Variants in LINGO2 observed in about 807,000 individuals in gnomAD.
LINGO2 encodes leucine rich repeat and Ig domain containing 2, also known as leucine-rich repeat and immunoglobulin-like domain-containing nogo receptor-interacting protein 2.
A neutral mutation model predicts 30.6 loss-of-function variants in LINGO2; 14 were observed. The ratio of observed to expected loss-of-function variants is 0.46; its 90% CI spans 0.30 to 0.72. LINGO2 has a LOEUF of 0.72. Among genes scored for constraint, LINGO2 ranks in the 30% least tolerant of loss-of-function variants. LINGO2 has a pLI of 0.07. For missense variants in LINGO2, 729 were observed against 751.7 expected (o/e 0.97, Z 0.35); for synonymous variants, 317 against 288.5 (o/e 1.10, Z -1.00).
rs569450163 is a variant in LINGO2, at chr9:28,376,102, T to G, written c.-278-3234A>C. Among the ~76,000 whole-genome samples, 48 of 149,442 alleles carry G rather than the reference T, an allele frequency of 3.2e-4. 2 individuals carry two copies. The South Asian group carries it at 0.01, about 31-fold the overall frequency. On this transcript the variant is annotated intron_variant, in intron 2 of 5. Transcript: ENST00000379992. ...ACTTTCCTTGCTTTTTTTTTTTTTT[T>G]GTAATAAACGGACAAGTGCAGCAGC...
chr9:28,018,597 A>T (rs1013950618), intron 4 of LINGO2, among the ~76,000 whole-genome samples: 1 of 152,210 alleles, frequency 6.6e-6, no homozygotes, highest in African/African-American at 2.4e-5. Context: ...AAAAATCCTC[A>T]GCATCGCTAA....
the LINGO2 span, among the ~76,000 whole-genome samples, chr9:28,931,270 G>T: frequency 1.3e-5 from 2 of 152,172 alleles, no homozygotes; most frequent in African/African-American, 4.8e-5. Context: ...TATCGGAGTT[G>T]GAGACACTAA....
intron 5 of LINGO2, among the ~76,000 whole-genome samples, chr9:27,958,919 T>C (rs7867010): frequency 0.017 from 2,583 of 152,294 alleles, 74 homozygotes; most frequent in African/African-American, 0.059. Context: ...AAACAGACCC[T>C]AGAATTTCTG....
intron 4 of LINGO2, among the ~76,000 whole-genome samples, chr9:28,065,154 G>T: frequency 6.6e-6 from 1 of 151,652 alleles, no homozygotes. Context: ...GAGTGGGATT[G>T]GGAGAGATCA....
At chr9:27,984,560 T>C (rs1438924732) in intron 5 of LINGO2, among the ~76,000 whole-genome samples, 2 of 151,870 alleles carry the variant, frequency 1.3e-5, no homozygotes. Context: ...TCTGAGGGAA[T>C]ATAGAAAGAG....
the LINGO2 span, among the ~76,000 whole-genome samples, chr9:29,127,209 C>G: frequency 6.6e-6 from 1 of 152,126 alleles, no homozygotes; most frequent in Non-Finnish European, 1.5e-5. Context: ...TGTTCCCACT[C>G]TGTGGCATGT....
the LINGO2 span, among the ~76,000 whole-genome samples, chr9:28,848,125 A>G: frequency 4.8e-4 from 45 of 94,146 alleles, no homozygotes; most frequent in African/African-American, 1.6e-3. Context: ...CTATATATAC[A>G]CTATATATAG....
chr9:28,364,539 A>G (rs1820584781), intron 3 of LINGO2, among the ~76,000 whole-genome samples: 1 of 152,124 alleles, frequency 6.6e-6, no homozygotes, highest in Non-Finnish European at 1.5e-5. Context: ...TAGCTCTCTA[A>G]TCTTCCTTTT....
intron 4 of LINGO2, among the ~76,000 whole-genome samples, chr9:28,039,013 G>A (rs1224884637): frequency 1.3e-5 from 2 of 152,162 alleles, no homozygotes; most frequent in African/African-American, 2.4e-5. Flanking sequence ...AATCTTAAAG[G>A]AGTTTGGCAA....
In LINGO2 at chr9:28,029,997, AT is replaced by A. The variant is rs796690786; in HGVS notation, c.-86-17593del. On this transcript the variant is annotated intron_variant, in intron 4 of 5. Transcript: ENST00000379992. Reference sequence around the variant, plus strand: ...AGAAAATGAATCTAGAATCCCAGAAATCAGAGAAGGTGATGTAAGGCCACCA... The same window carrying A: ...AGAAAATGAATCTAGAATCCCAGAAACAGAGAAGGTGATGTAAGGCCACCA... Among the ~76,000 whole-genome samples the A allele has an allele frequency of 2.6e-5, 4 of 152,300 alleles. No individual in the cohort carries two copies. In the South Asian group the frequency reaches 8.3e-4, roughly 32 times the overall value.
chr9:28,652,482 T>A (rs1828147019), intron 1 of LINGO2, among the ~76,000 whole-genome samples: 1 of 152,110 alleles, frequency 6.6e-6, no homozygotes, highest in Non-Finnish European at 1.5e-5. Context: ...AATGCACCAC[T>A]ACAGAGATAG....
At chr9:28,279,807 A>C (rs1331555619) in intron 4 of LINGO2, among the ~76,000 whole-genome samples, 1 of 152,122 alleles carries the variant, frequency 6.6e-6, no homozygotes, top group Non-Finnish European at 1.5e-5. Context: ...CCACCCACCC[A>C]CAAAGAGCCT....
the LINGO2 span, among the ~76,000 whole-genome samples, chr9:29,006,249 A>C: frequency 1.2e-3 from 186 of 152,044 alleles, no homozygotes; most frequent in African/African-American, 4.1e-3. Context: ...ACAAACGGGG[A>C]ATTATTTGAC....
the LINGO2 span, among the ~76,000 whole-genome samples, chr9:29,113,420 T>G: frequency 6.6e-6 from 1 of 152,104 alleles, no homozygotes; most frequent in South Asian, 2.1e-4. Flanking sequence ...GAACAGACAG[T>G]GTTGAAGATG....
intron 4 of LINGO2, among the ~76,000 whole-genome samples, chr9:28,188,567 T>C (rs1333427583): frequency 6.6e-6 from 1 of 152,092 alleles, no homozygotes; most frequent in Non-Finnish European, 1.5e-5. Context: ...TGTTATCTTC[T>C]CTATCACCAA....
At chr9:27,940,172 T>C in the LINGO2 span, 1 of 152,150 alleles carries the variant, frequency 6.6e-6, no homozygotes, top group Admixed American at 6.6e-5. Context: ...CCCAGATGGT[T>C]CTTAGTAATA....
At chr9:29,093,892 G>A in the LINGO2 span, among the ~76,000 whole-genome samples, 1 of 138,406 alleles carries the variant, frequency 7.2e-6, no homozygotes, top group African/African-American at 2.7e-5. Context: ...ATTTCAGTAT[G>A]TTAAAATATA....
At position 28,322,438 on chromosome 9, in the gene LINGO2, TACAC is replaced by T. The variant is rs61397051; in HGVS notation, c.-245-27076_-245-27073del. Among the ~76,000 whole-genome samples the T allele has an allele frequency of 7.0e-3, 1,052 of 150,552 alleles. 10 individuals carry two copies. The highest frequency in any genetic ancestry group is 0.014 in the Middle Eastern group (4 of 294). ...GTTCCTAGACATAGTAGGCACTCAG[TACAC>T]ACACACACACACACACACACACACA... On this transcript the variant is annotated intron_variant, in intron 3 of 5. Transcript: ENST00000379992.
chr9:28,223,421 G>T (rs957336433), intron 4 of LINGO2, among the ~76,000 whole-genome samples: 3 of 151,022 alleles, frequency 2.0e-5, no homozygotes, highest in African/African-American at 7.4e-5. Context: ...TCATTCACAA[G>T]GGGAGAAGCC....
Sources: gnomAD v4.1 joint callset for allele counts (sites outside exome capture counted in the v4.1 genomes callset) on GRCh38, gnomAD v4.1.1 for gene constraint, MANE v1.5 for transcripts, NCBI Gene and HGNC (gene_info 2026-07-23, HGNC 2026-07-21) for gene names.